The following LARP4 variants were observed in gnomAD, a reference collection of about 807,000 sequenced individuals.
LARP4 encodes the protein la-related protein 4.
In LARP4, 29 loss-of-function variants were observed where a neutral mutation model predicts 92.9. The ratio of observed to expected loss-of-function variants is 0.31; its 90% CI spans 0.23 to 0.43. The LOEUF (loss-of-function observed/expected upper bound fraction) is 0.43, where lower values mean the gene tolerates loss of function less well. Ranked by LOEUF, LARP4 falls within the 20% of genes least tolerant of loss-of-function variation. The pLI, the probability that LARP4 is intolerant of heterozygous loss-of-function variation, is 1.00. For missense variants in LARP4, 732 were observed against 860.0 expected (o/e 0.85, Z 1.86); for synonymous variants, 279 against 284.1 (o/e 0.98, Z 0.18).
At chr12:50,455,461 T>C (rs1157892000) in intron 10 of LARP4, among the ~76,000 whole-genome samples, 2 of 152,266 alleles carry the variant, frequency 1.3e-5, no homozygotes, top group African/African-American at 4.8e-5. Context: ...TGCTGTTTTG[T>C]GAGACTCTTG....
intron 1 of LARP4, among the ~76,000 whole-genome samples, chr12:50,410,969 T>G (rs569184571): frequency 6.6e-6 from 1 of 152,232 alleles, no homozygotes; most frequent in East Asian, 1.9e-4. Flanking sequence ...ATGAATAAAC[T>G]TCAGATTTTC....
intron 2 of LARP4, 152 bp downstream of exon 2, chr12:50,428,061 T>C (rs542236690): frequency 1.2e-4 from 56 of 480,448 alleles, no homozygotes; most frequent in African/African-American, 1.1e-3. Flanking sequence ...AGTGGCGCAG[T>C]CTTCACTCAC....
At chr12:50,409,978 G>C (rs985224216) in intron 1 of LARP4, among the ~76,000 whole-genome samples, 3 of 151,416 alleles carry the variant, frequency 2.0e-5, no homozygotes, top group Non-Finnish European at 2.9e-5. Context: ...TTTTAGTAGA[G>C]ACGGGGTTTC....
chr12:50,409,256 C>T (rs1945405612), intron 1 of LARP4, among the ~76,000 whole-genome samples: 1 of 152,084 alleles, frequency 6.6e-6, no homozygotes, highest in Non-Finnish European at 1.5e-5. Context: ...TCTGCTGAGA[C>T]TGAGCCACTT....
intron 1 of LARP4, among the ~76,000 whole-genome samples, chr12:50,421,113 C>T (rs541352467): frequency 2.2e-5 from 2 of 90,544 alleles, no homozygotes; most frequent in African/African-American, 8.2e-5. Context: ...CCACGTCCAG[C>T]TAATTTTTGT....
intron 1 of LARP4, among the ~76,000 whole-genome samples, chr12:50,412,046 C>T (rs1032371784): frequency 1.3e-5 from 2 of 152,186 alleles, no homozygotes; most frequent in African/African-American, 4.8e-5. Flanking sequence ...GGGCAGATTA[C>T]TTTACCTTGA....
chr12:50,447,358 T>C (rs751364009), intron 8 of LARP4, among the ~76,000 whole-genome samples: 1 of 152,160 alleles, frequency 6.6e-6, no homozygotes, highest in African/African-American at 2.4e-5. Flanking sequence ...GTAAATATTA[T>C]AGATGTTGAT....
At chr12:50,427,988 C>CAA in intron 2 of LARP4, 79 bp downstream of exon 2, 1 of 499,846 alleles carries the variant, frequency 2.0e-6, no homozygotes, top group Non-Finnish European at 3.1e-6. Flanking sequence ...ACTTGAGACA[C>CAA]ATCTCTTTTT....
At chr12:50,422,427 A>G (rs1287862802) in intron 1 of LARP4, among the ~76,000 whole-genome samples, 2 of 152,288 alleles carry the variant, frequency 1.3e-5, no homozygotes, top group Middle Eastern at 3.4e-3. Flanking sequence ...ATACATTTCC[A>G]TATTTAATCA....
intron 8 of LARP4, among the ~76,000 whole-genome samples, chr12:50,446,269 G>T (rs1361029692): frequency 7.2e-6 from 1 of 138,024 alleles, no homozygotes; most frequent in Non-Finnish European, 1.5e-5. Context: ...GCCTCCCAAA[G>T]TGCTGGGATT....
At chr12:50,421,045 G>C (rs1170025704) in intron 1 of LARP4, among the ~76,000 whole-genome samples, 2 of 137,854 alleles carry the variant, frequency 1.5e-5, no homozygotes, top group African/African-American at 5.2e-5. Flanking sequence ...CACCTCCTGG[G>C]TTCAAGCGAT....
intron 1 of LARP4, among the ~76,000 whole-genome samples, chr12:50,404,870 A>G (rs932376396): frequency 6.6e-6 from 1 of 150,998 alleles, no homozygotes; most frequent in Non-Finnish European, 1.5e-5. Flanking sequence ...TTGTATTTTT[A>G]GTAGAGATGG....
intron 1 of LARP4, among the ~76,000 whole-genome samples, chr12:50,406,523 CAG>C (rs1303187006): frequency 6.6e-6 from 1 of 152,034 alleles, no homozygotes; most frequent in Non-Finnish European, 1.5e-5. Flanking sequence ...TTTTAAGAGA[CAG>C]GGTCTCACTG....
intron 14 of LARP4, among the ~76,000 whole-genome samples, 176 bp from the exon 15 acceptor site, chr12:50,473,823 T>C (rs147592828): frequency 5.5e-4 from 10 of 18,090 alleles, no homozygotes; most frequent in African/African-American, 1.4e-3. Context: ...GTGGGGGGGG[T>C]GGGGGGTGCG....
In LARP4 at chr12:50,454,337, T is replaced by C. The variant is rs1161971118; in HGVS notation, c.1041T>C (p.Phe347=). The change falls in exon 10 of 16, where the codon TTT becomes TTC. Residue 347 remains phenylalanine (F), a synonymous_variant. Coordinates refer to ENST00000398473, the MANE Select transcript of LARP4 (RefSeq NM_052879.5). ...TPLAPFPNGS[F]VNGFNSPGSY... ...AGGCTCCCTTTCCCAATGGTAGTTTTGTGAATGGCTTTAATTCGCCAGGAT... is the reference window on the plus strand; with the variant it reads ...AGGCTCCCTTTCCCAATGGTAGTTTCGTGAATGGCTTTAATTCGCCAGGAT... 3 of 1,613,404 alleles carry C rather than the reference T, an allele frequency of 1.9e-6. No individual in the cohort carries two copies. Among genetic ancestry groups the C allele is most frequent in the Non-Finnish European group, 1.7e-6 (2 of 1,179,804 alleles).
At chr12:50,415,856 T>G (rs1168408208) in intron 1 of LARP4, 1 of 152,030 alleles carries the variant, frequency 6.6e-6, no homozygotes, top group African/African-American at 2.4e-5. Context: ...GCCCAGCTAA[T>G]TCTTGTTTTT....
intron 1 of LARP4, among the ~76,000 whole-genome samples, chr12:50,420,020 A>G (rs893564496): frequency 1.3e-5 from 2 of 152,244 alleles, no homozygotes; most frequent in African/African-American, 2.4e-5. Flanking sequence ...GATTTAGCAG[A>G]AAAAACAAGT....
At chr12:50,414,785 T>C (rs1027894519) in intron 1 of LARP4, among the ~76,000 whole-genome samples, 1 of 152,260 alleles carries the variant, frequency 6.6e-6, no homozygotes, top group African/African-American at 2.4e-5. Context: ...CATTAAGAGA[T>C]AGACCATATT....
At chr12:50,460,647 T>A (rs1003548228) in intron 10 of LARP4, among the ~76,000 whole-genome samples, 2 of 151,876 alleles carry the variant, frequency 1.3e-5, no homozygotes, top group Admixed American at 6.6e-5. Context: ...AATGTAAAAT[T>A]TACTTCACTT....
Sources: allele counts gnomAD v4.1 joint callset (sites outside exome capture counted in the v4.1 genomes callset), GRCh38; gene constraint gnomAD v4.1.1; transcripts MANE v1.5; gene names NCBI Gene and HGNC (gene_info 2026-07-23, HGNC 2026-07-21).